CEP85L: variants seen among roughly 807,000 people sequenced by gnomAD.
CEP85L encodes centrosomal protein 85L, also known as centrosomal protein of 85 kDa-like.
In CEP85L, 60 loss-of-function variants were observed where a neutral mutation model predicts 100.3. The observed-to-expected ratio is 0.60, with a 90% CI of 0.49 to 0.74. The LOEUF (loss-of-function observed/expected upper bound fraction) is 0.74, where lower values mean the gene tolerates loss of function less well. Ranked by LOEUF, CEP85L falls within the 30% of genes least tolerant of loss-of-function variation. The probability of loss-of-function intolerance (pLI) is 0.00; values close to 1 mark genes in which losing one functional copy is unlikely to be tolerated. For synonymous variants in CEP85L, 319 were observed against 322.7 expected, an observed-to-expected ratio of 0.99 and a Z score of 0.12; for missense variants, 973 against 936.2, an observed-to-expected ratio of 1.04 and a Z score of -0.51.
chr6:118,650,451 C>A (rs970195745), intron 1 of CEP85L, among the ~76,000 whole-genome samples: 9 of 152,172 alleles, frequency 5.9e-5, no homozygotes, highest in Non-Finnish European at 5.9e-5. Context: ...CAAACAGACC[C>A]CTTCAGATAC....
intron 5 of CEP85L, chr6:118,502,575 G>C (rs1403866839): frequency 2.1e-6 from 1 of 473,744 alleles, no homozygotes; most frequent in Non-Finnish European, 4.0e-6. Flanking sequence ...AACAAACTTT[G>C]GCGCTCCGGT....
chr6:118,513,106 A>C (rs747524030), intron 4 of CEP85L, among the ~76,000 whole-genome samples: 2 of 152,192 alleles, frequency 1.3e-5, no homozygotes, highest in Non-Finnish European at 2.9e-5. Context: ...CAGTAAATTT[A>C]AAAACAGCAA....
intron 3 of CEP85L, among the ~76,000 whole-genome samples, chr6:118,556,578 T>C (rs1194610283): frequency 1.3e-5 from 2 of 152,150 alleles, no homozygotes; most frequent in African/African-American, 4.8e-5. Flanking sequence ...TTCCTTCTGC[T>C]CCCTTCAGCA....
At chr6:118,548,262 C>T (rs1474708823) in intron 3 of CEP85L, 1 of 152,066 alleles carries the variant, frequency 6.6e-6, no homozygotes, top group African/African-American at 2.4e-5. Context: ...CTCCCTAGAA[C>T]ACTTTTTCTC....
chr6:118,560,323 C>T lies in CEP85L; in HGVS notation c.1020+5206G>A, dbSNP rs146145000. On this transcript the variant is annotated intron_variant, in intron 3 of 12. Coordinates refer to ENST00000368491, the MANE Select transcript of CEP85L (RefSeq NM_001042475.3). ...TATTTTGCGTGTTATATGTATTATA[C>T]ACTATATTCCTACAATAAAGTAAGC... 1.7e-3 allele frequency: 291 copies of T among 167,070 alleles called. 1 individual carries two copies. The highest frequency in any genetic ancestry group is 3.6e-3 in the Non-Finnish European group (242 of 68,094). 10.3% of individuals were successfully genotyped at this position (167,070 alleles called of 1,614,324 possible). A position where few individuals can be genotyped will look rare whatever the true frequency, so the allele number is the denominator to read the frequency against.
chr6:118,534,256 A>G (rs1777460322), intron 3 of CEP85L, among the ~76,000 whole-genome samples: 1 of 152,206 alleles, frequency 6.6e-6, no homozygotes, highest in African/African-American at 2.4e-5. Flanking sequence ...ACAAAAGGGC[A>G]ATTAAAAATG....
At chr6:118,529,602 T>G (rs1450616256) in intron 3 of CEP85L, among the ~76,000 whole-genome samples, 1 of 96,824 alleles carries the variant, frequency 1.0e-5, no homozygotes. Flanking sequence ...AGCGAGACTC[T>G]GTCTCCAAAA....
intron 2 of CEP85L, among the ~76,000 whole-genome samples, chr6:118,580,949 C>G (rs964783371): frequency 6.6e-6 from 1 of 152,184 alleles, no homozygotes; most frequent in Non-Finnish European, 1.5e-5. Flanking sequence ...GGAGAGCACA[C>G]GGCATTTCCA....
At chr6:118,499,969 A>G (rs1265939147) in intron 5 of CEP85L, among the ~76,000 whole-genome samples, 3 of 152,186 alleles carry the variant, frequency 2.0e-5, no homozygotes, top group African/African-American at 7.2e-5. Flanking sequence ...CACAGATAAC[A>G]TGATCATCTT....
chr6:118,588,910 A>G (rs1781018710), intron 2 of CEP85L, among the ~76,000 whole-genome samples: 1 of 152,184 alleles, frequency 6.6e-6, no homozygotes, highest in African/African-American at 2.4e-5. Flanking sequence ...GGAAAGAGTC[A>G]TCACCCAAAA....
intron 1 of CEP85L, among the ~76,000 whole-genome samples, chr6:118,697,967 T>C (rs1777270125): frequency 6.6e-6 from 1 of 152,208 alleles, no homozygotes; most frequent in South Asian, 2.1e-4. Context: ...TGCTGCGAAC[T>C]TCGTATTCAC....
intron 5 of CEP85L, chr6:118,502,187 C>T (rs1299668732): frequency 1.5e-5 from 14 of 925,512 alleles, no homozygotes; most frequent in Non-Finnish European, 2.3e-5. Flanking sequence ...AACAAAGTAA[C>T]TCCAGGGTTA....
intron 3 of CEP85L, among the ~76,000 whole-genome samples, chr6:118,558,504 A>G (rs990790701): frequency 7.2e-5 from 11 of 152,062 alleles, no homozygotes; most frequent in Admixed American, 2.0e-4. Flanking sequence ...CAATACTTGT[A>G]GTAAATTTGG....
chr6:118,537,883 T>C, intron 3 of CEP85L: 1 of 985,352 alleles, frequency 1.0e-6, no homozygotes, highest in Non-Finnish European at 1.2e-6. Context: ...CTTCCTCTGT[T>C]TCCTGGAATA....
chr6:118,481,784 A>C lies in CEP85L; in HGVS notation c.1740T>G (p.Val580=), dbSNP rs187727768. Residue 580 remains valine (V), a synonymous_variant, in exon 8 of 13, where the codon GTT becomes GTG. Transcript: ENST00000368491. ...KKKEKELVTT[V]QSLQQKVERC... is the part of the protein sequence containing the mutation. ...GATTCAGAAAATTTTCTTACCTCTG[A>C]ACGGTAGTTACTAACTCCTTTTCTT... is the stretch of plus-strand genomic sequence containing the variant. 34 of 1,572,512 alleles carry C rather than the reference A, an allele frequency of 2.2e-5. No homozygotes were observed. In the East Asian group the frequency reaches 2.8e-4, roughly 13 times the overall value.
At chr6:118,590,120 C>T (rs1473387564) in intron 2 of CEP85L, among the ~76,000 whole-genome samples, 1 of 152,040 alleles carries the variant, frequency 6.6e-6, no homozygotes, top group Non-Finnish European at 1.5e-5. Flanking sequence ...TTCCCCATCG[C>T]TAATGAGTCC....
At chr6:118,599,469 G>C (rs890471028) in intron 2 of CEP85L, among the ~76,000 whole-genome samples, 1 of 152,106 alleles carries the variant, frequency 6.6e-6, no homozygotes, top group Non-Finnish European at 1.5e-5. Flanking sequence ...AAATGAGAGA[G>C]AAGAGGTTAC....
chr6:118,699,693 T>C (rs113564555), intron 1 of CEP85L, among the ~76,000 whole-genome samples: 2 of 151,810 alleles, frequency 1.3e-5, no homozygotes, highest in Non-Finnish European at 2.9e-5. Flanking sequence ...ATTACTACTA[T>C]TATTATTATT....
chr6:118,552,272 A>G (rs1457170322), intron 3 of CEP85L, among the ~76,000 whole-genome samples: 1 of 152,094 alleles, frequency 6.6e-6, no homozygotes, highest in Non-Finnish European at 1.5e-5. Context: ...TTATTATTTC[A>G]GCAAAAGGAA....
Sources: gnomAD v4.1 joint callset for allele counts (sites outside exome capture counted in the v4.1 genomes callset) on GRCh38, gnomAD v4.1.1 for gene constraint, MANE v1.5 for transcripts, NCBI Gene and HGNC (gene_info 2026-07-23, HGNC 2026-07-21) for gene names.